CPT1A: variants seen among roughly 807,000 people sequenced by gnomAD.
CPT1A encodes the protein carnitine O-palmitoyltransferase 1, liver isoform.
In CPT1A, 64 loss-of-function variants were observed where a neutral mutation model predicts 100.8. The observed-to-expected ratio is 0.63, with a 90% confidence interval of 0.52 to 0.78. CPT1A has a LOEUF of 0.78. CPT1A is among the 30% of genes least tolerant of loss of function. The pLI, the probability that CPT1A is intolerant of heterozygous loss-of-function variation, is 0.00. For missense variants in CPT1A, 802 were observed against 1,034.1 expected (o/e 0.78, Z 3.08); for synonymous variants, 363 against 396.0 (o/e 0.92, Z 0.99).
chr11:68,816,636 GC>G (rs1294196514), intron 1 of CPT1A, among the ~76,000 whole-genome samples: 5 of 152,156 alleles, frequency 3.3e-5, no homozygotes, highest in African/African-American at 1.2e-4. Flanking sequence ...GGTGGCTCCT[GC>G]CCTTCTCACG....
intron 18 of CPT1A, among the ~76,000 whole-genome samples, chr11:68,758,083 C>A (rs1409163620): frequency 6.6e-6 from 1 of 152,114 alleles, no homozygotes; most frequent in Admixed American, 6.6e-5. Flanking sequence ...GCCTGGGAAA[C>A]ATGGTGAAAC....
chr11:68,769,386 G>A (rs1406341786), intron 14 of CPT1A, among the ~76,000 whole-genome samples: 3 of 150,994 alleles, frequency 2.0e-5, no homozygotes, highest in Admixed American at 1.3e-4. Context: ...ACAGGCATGC[G>A]CCACCATGCT....
chr11:68,773,178 C>T (rs1216571752), intron 14 of CPT1A, 87 bp downstream of exon 14: 1 of 1,593,978 alleles, frequency 6.3e-7, no homozygotes, highest in Non-Finnish European at 8.5e-7. Flanking sequence ...GGTTTCGGGC[C>T]TTCCCTCCCC....
At chr11:68,818,653 A>T (rs943446328) in intron 1 of CPT1A, 1 of 152,478 alleles carries the variant, frequency 6.6e-6, no homozygotes, top group Admixed American at 6.6e-5. Flanking sequence ...GAGTCCAGGA[A>T]CTCAAGACCA....
At chr11:68,773,211 G>T (rs1855041105) in intron 14 of CPT1A, 54 bp downstream of exon 14, 3 of 1,609,786 alleles carry the variant, frequency 1.9e-6, no homozygotes, top group African/African-American at 2.7e-5. Context: ...GTCTTGGGCA[G>T]GTGTAGGAAC....
intron 1 of CPT1A, among the ~76,000 whole-genome samples, chr11:68,837,312 T>C (rs546342501): frequency 1.2e-3 from 179 of 152,218 alleles, no homozygotes; most frequent in Non-Finnish European, 1.7e-3. Context: ...CCTCCAGAAG[T>C]GCTGGGATTA....
intron 2 of CPT1A, among the ~76,000 whole-genome samples, chr11:68,813,699 A>AC (rs1371202935): frequency 2.0e-5 from 3 of 151,030 alleles, no homozygotes; most frequent in South Asian, 2.1e-4. Context: ...CCTGTCTCAA[A>AC]AAAAAAAAAG....
chr11:68,760,054 A>T (rs531370416), intron 17 of CPT1A, among the ~76,000 whole-genome samples, 171 bp downstream of exon 17: 1 of 152,204 alleles, frequency 6.6e-6, no homozygotes, highest in Non-Finnish European at 1.5e-5. Flanking sequence ...AAAATAAAAA[A>T]TAAGTGCAAG....
Position 68,755,114 on chromosome 11 carries a change from G to C in CPT1A, c.*2530C>G, listed in dbSNP as rs1946666556. On this transcript the variant is annotated 3_prime_UTR_variant, in exon 19 of 19. Coordinates refer to ENST00000265641, the MANE Select transcript of CPT1A (RefSeq NM_001876.4). The stretch of plus-strand genomic sequence containing the variant: ...TAAGACCCCTCTTTCTCCCCTCAAG[G>C]AATATAAAATTGCATTGATAACTGC... The C allele has an allele frequency of 4.4e-6, 2 of 457,850 alleles. No homozygotes were observed. The highest frequency in any genetic ancestry group is 7.9e-6 in the Non-Finnish European group (2 of 254,082). The allele number at this position is 457,850 out of a possible 1,614,324, so 28.4% of individuals were successfully genotyped here.
chr11:68,810,006 C>A (rs1856156374), intron 3 of CPT1A, among the ~76,000 whole-genome samples: 1 of 152,158 alleles, frequency 6.6e-6, no homozygotes, highest in South Asian at 2.1e-4. Context: ...GGCGAAACCC[C>A]ATCTCTATCA....
At chr11:68,761,463 T>C in intron 16 of CPT1A, 72 bp downstream of exon 16, 1 of 1,525,482 alleles carries the variant, frequency 6.6e-7, no homozygotes, top group South Asian at 1.1e-5. Context: ...AATATGTTCA[T>C]GCAAGGCTGT....
chr11:68,762,769 A>G lies in CPT1A; in HGVS notation c.1741-8T>C, dbSNP rs1479907760. 1.6e-5 allele frequency: 26 copies of G among 1,614,018 alleles called. No individual in the cohort carries two copies. Among genetic ancestry groups the G allele is most frequent in the Non-Finnish European group, 2.0e-5 (24 of 1,180,006 alleles). On this transcript the variant is annotated splice_polypyrimidine_tract_variant and splice_region_variant and intron_variant, in intron 14 of 18. Transcript: ENST00000265641. ...GCAAAACTTGCCCATGTCCTGGGGAAAGAGAAGTACTTCAGTGCACGGCAG... is the reference window on the plus strand; with the variant it reads ...GCAAAACTTGCCCATGTCCTGGGGAGAGAGAAGTACTTCAGTGCACGGCAG...
intron 1 of CPT1A, among the ~76,000 whole-genome samples, chr11:68,837,062 T>C (rs1307856374): frequency 6.6e-6 from 1 of 152,164 alleles, no homozygotes; most frequent in Non-Finnish European, 1.5e-5. Context: ...TTTTCTTTTC[T>C]TTTTTGAGAC....
intron 2 of CPT1A, among the ~76,000 whole-genome samples, chr11:68,813,462 C>T (rs982142803): frequency 3.6e-5 from 5 of 137,730 alleles, no homozygotes; most frequent in Admixed American, 8.3e-5. Flanking sequence ...GCCCAGGAGG[C>T]GGAGGTTGCA....
chr11:68,816,797 G>A (rs559075352), intron 1 of CPT1A, among the ~76,000 whole-genome samples: 6 of 144,180 alleles, frequency 4.2e-5, no homozygotes, highest in South Asian at 4.6e-4. Context: ...GTGTGTATAC[G>A]TGTGTGTGGT....
chr11:68,812,525 CGAT>C lies in CPT1A; in HGVS notation c.190_192del (p.Ile64del). 1 of 1,614,184 alleles carries C rather than the reference CGAT, an allele frequency of 6.2e-7. No homozygotes were observed. Among genetic ancestry groups the C allele is most frequent in the Non-Finnish European group, 8.5e-7 (1 of 1,180,036 alleles). ...ATCGTTGTCATCACGCCCACCACCA[CGAT>C]AAGCCAACTGGAGGGGCTTGCCGGG... is the stretch of plus-strand genomic sequence containing the variant. On this transcript the variant is annotated inframe_deletion, in exon 3 of 19. Transcript: ENST00000265641.
At chr11:68,790,149 C>T (rs1344336387) in intron 9 of CPT1A, among the ~76,000 whole-genome samples, 4 of 152,026 alleles carry the variant, frequency 2.6e-5, no homozygotes, top group Admixed American at 1.3e-4. Context: ...CAGCTCACTA[C>T]AGTCTCCACC....
At chr11:68,826,733 CAA>C (rs5792453) in intron 1 of CPT1A, among the ~76,000 whole-genome samples, 4 of 142,434 alleles carry the variant, frequency 2.8e-5, no homozygotes, top group African/African-American at 2.6e-5. Flanking sequence ...GACTCCCTGT[CAA>C]AAAAAAAAAA....
intron 12 of CPT1A, 132 bp downstream of exon 12, chr11:68,780,508 T>C (rs960790900): frequency 6.6e-5 from 48 of 728,526 alleles, no homozygotes; most frequent in South Asian, 5.7e-4. Context: ...GGTCTTGAAC[T>C]CCTGACCTCA....
Sources: gnomAD v4.1 joint callset for allele counts (sites outside exome capture counted in the v4.1 genomes callset) on GRCh38, gnomAD v4.1.1 for gene constraint, MANE v1.5 for transcripts, NCBI Gene and HGNC (gene_info 2026-07-23, HGNC 2026-07-21) for gene names.